RBM28: variants seen among roughly 807,000 people sequenced by gnomAD.
RBM28 encodes the protein RNA-binding protein 28.
A neutral mutation model predicts 98.3 loss-of-function variants in RBM28; 78 were observed. The ratio of observed to expected loss-of-function variants is 0.79; its 90% confidence interval spans 0.66 to 0.96. The LOEUF is 0.96. Among genes scored for constraint, RBM28 ranks in the 40% least tolerant of loss-of-function variants. RBM28 has a pLI of 0.00. For missense variants in RBM28, 838 were observed against 913.0 expected, an observed-to-expected ratio of 0.92 and a Z score of 1.06; for synonymous variants, 306 against 330.9, an observed-to-expected ratio of 0.92 and a Z score of 0.82.
chr7:128,330,727 C>T lies in RBM28; in HGVS notation c.1129+92G>A, dbSNP rs756607895. ...TGGGCTGGATGGACTGTGAACCCCT[C>T]AAAATGGCACACATTATGCTCTCGT... On this transcript the variant is annotated intron_variant, in intron 10 of 18. Coordinates refer to ENST00000223073, the MANE Select transcript of RBM28 (RefSeq NM_018077.3). The T allele has an allele frequency of 7.9e-5, 75 of 954,066 alleles. No individual in the cohort carries two copies. The Middle Eastern group carries it at 2.3e-3, about 29-fold the overall frequency. 59.1% of individuals were successfully genotyped at this position (954,066 alleles called of 1,614,324 possible).
At chr7:128,330,793 G>A (rs771103133) in intron 10 of RBM28, 26 bp downstream of exon 10, 9 of 1,551,506 alleles carry the variant, frequency 5.8e-6, no homozygotes, top group Non-Finnish European at 8.0e-6. Context: ...AACCCTTTTA[G>A]GGCCTGGCCA....
Position 128,342,696 on chromosome 7 carries a change from A to G in RBM28, c.118+980T>C, listed in dbSNP as rs1267793487. 3.9e-5 allele frequency among the ~76,000 whole-genome samples: 6 copies of G among 152,080 alleles called. No individual in the cohort carries two copies. The East Asian group carries it at 9.7e-4, about 24-fold the overall frequency. On this transcript the variant is annotated intron_variant, in intron 1 of 18. Coordinates refer to ENST00000223073, the MANE Select transcript of RBM28 (RefSeq NM_018077.3). Reference sequence around the variant, plus strand: ...ACGCAGTCTTTAAAAAAAAAAAAAAATCTTACATGATCTGCTACTCTAGAT... The same window carrying G: ...ACGCAGTCTTTAAAAAAAAAAAAAAGTCTTACATGATCTGCTACTCTAGAT...
chr7:128,342,057 G>C (rs1452002344), intron 1 of RBM28, among the ~76,000 whole-genome samples: 2 of 152,152 alleles, frequency 1.3e-5, no homozygotes, highest in African/African-American at 4.8e-5. Context: ...TACTTGGGAG[G>C]CTGAAGTAGG....
At chr7:128,323,649 A>T in intron 12 of RBM28, 58 bp from the exon 13 acceptor site, 1 of 1,584,884 alleles carries the variant, frequency 6.3e-7, no homozygotes, top group Non-Finnish European at 8.7e-7. Context: ...CTGAGCAACA[A>T]GAGGAATGTG....
intron 10 of RBM28, 121 bp downstream of exon 10, chr7:128,330,698 A>T: frequency 1.3e-6 from 1 of 789,986 alleles, no homozygotes. Flanking sequence ...AGAACCCAGA[A>T]ACCTGGGCTG....
At chr7:128,334,032 T>C (rs1244893873) in intron 8 of RBM28, among the ~76,000 whole-genome samples, 1 of 152,198 alleles carries the variant, frequency 6.6e-6, no homozygotes, top group Non-Finnish European at 1.5e-5. Context: ...TGAATGTGTA[T>C]ATGTGTGTGT....
intron 8 of RBM28, among the ~76,000 whole-genome samples, chr7:128,334,261 G>A (rs1409930546): frequency 2.0e-5 from 3 of 152,192 alleles, no homozygotes; most frequent in Non-Finnish European, 4.4e-5. Flanking sequence ...TCAGGGAATT[G>A]TTAGGATTGG....
chr7:128,330,043 T>C (rs952998439), intron 10 of RBM28, among the ~76,000 whole-genome samples: 3 of 151,072 alleles, frequency 2.0e-5, no homozygotes, highest in South Asian at 2.1e-4. Context: ...TCAAAAGAAA[T>C]AGCTTTTGGA....
intron 11 of RBM28, 107 bp downstream of exon 11, chr7:128,325,711 A>T: frequency 1.3e-6 from 1 of 799,478 alleles, no homozygotes. Context: ...TAGTTTTATT[A>T]TTACTGACAA....
chr7:128,317,756 C>T, intron 15 of RBM28, 23 bp from the exon 16 acceptor site: 1 of 1,550,092 alleles, frequency 6.5e-7, no homozygotes, highest in Non-Finnish European at 8.9e-7. Context: ...GACAGAATGC[C>T]ATTCATTAGA....
chr7:128,314,684 CA>C, intron 17 of RBM28, 79 bp downstream of exon 17: 3 of 1,600,806 alleles, frequency 1.9e-6, no homozygotes, highest in Non-Finnish European at 2.6e-6. Context: ...ACAAATGCCA[CA>C]AAGAGAAAAT....
intron 13 of RBM28, 71 bp from the exon 14 acceptor site, chr7:128,321,495 G>A (rs1357315552): frequency 4.4e-6 from 7 of 1,574,122 alleles, no homozygotes; most frequent in Non-Finnish European, 8.7e-7. Flanking sequence ...TTCTCCAAAA[G>A]GAAAGAATTA....
At chr7:128,342,508 C>G (rs1271235500) in intron 1 of RBM28, among the ~76,000 whole-genome samples, 1 of 152,008 alleles carries the variant, frequency 6.6e-6, no homozygotes, top group Admixed American at 6.6e-5. Context: ...ATAGCGAAAC[C>G]CCGTCTCTAC....
rs1253348650 is a variant in RBM28 at position 128,343,387 on chromosome 7, C to T, written c.118+289G>A. Among the ~76,000 whole-genome samples the T allele has an allele frequency of 7.9e-5, 12 of 152,166 alleles. 1 individual carries two copies. The highest frequency in any genetic ancestry group is 7.9e-4 in the Admixed American group (12 of 15,286). On this transcript the variant is annotated intron_variant, in intron 1 of 18. Coordinates refer to ENST00000223073, the MANE Select transcript of RBM28 (RefSeq NM_018077.3). Reference sequence around the variant, plus strand: ...AACCTGTATCAAACTGATCACTGTACCTGCCAATCAGGTGACTCTCAATAA... The same window carrying T: ...AACCTGTATCAAACTGATCACTGTATCTGCCAATCAGGTGACTCTCAATAA...
In RBM28 at chr7:128,298,589, T is replaced by C. The variant is rs1333093771; in HGVS notation, c.*12208A>G. 4 of 150,860 alleles carry C rather than the reference T, an allele frequency of 2.7e-5. No individual in the cohort carries two copies. Among genetic ancestry groups the C allele is most frequent in the African/African-American group, 9.9e-5 (4 of 40,236 alleles). 9.3% of individuals were successfully genotyped at this position (150,860 alleles called of 1,614,324 possible). ...TTTATTTTCAAATGCCCCCCATTGC[T>C]CTTCTTTAAATATACAGAATATATT... is the stretch of plus-strand genomic sequence containing the variant. On this transcript the variant is annotated 3_prime_UTR_variant, in exon 19 of 19. Coordinates refer to ENST00000223073, the MANE Select transcript of RBM28 (RefSeq NM_018077.3).
chr7:128,330,880 T>C lies in RBM28; in HGVS notation c.1068A>G (p.Gln356=), dbSNP rs761411486. 63 of 1,614,070 alleles carry C rather than the reference T, an allele frequency of 3.9e-5. No homozygotes were observed. The highest frequency in any genetic ancestry group is 5.0e-5 in the Non-Finnish European group (59 of 1,180,020). The part of the protein sequence containing the change: ...SEEEELGELL[Q]QFGELKYVRI... ...GGACATATTTGAGTTCTCCAAACTG[T>C]TGGAGAAGCTCCCCAAGTTCTTCTT... Residue 356 remains glutamine (Q), a synonymous_variant, in exon 10 of 19, where the codon CAA becomes CAG. Coordinates refer to ENST00000223073, the MANE Select transcript of RBM28 (RefSeq NM_018077.3).
At chr7:128,315,151 G>A in intron 16 of RBM28, 131 bp from the exon 17 acceptor site, 1 of 1,353,126 alleles carries the variant, frequency 7.4e-7, no homozygotes, top group Non-Finnish European at 1.0e-6. Flanking sequence ...TTGGAGACTA[G>A]AGGAAAGTGA....
intron 12 of RBM28, 126 bp downstream of exon 12, chr7:128,324,433 T>A: frequency 7.4e-7 from 1 of 1,349,840 alleles, no homozygotes; most frequent in Admixed American, 1.7e-5. Context: ...AATGATCATA[T>A]AACACTGTTA....
At chr7:128,315,777 G>A (rs1434857448) in intron 16 of RBM28, among the ~76,000 whole-genome samples, 3 of 152,160 alleles carry the variant, frequency 2.0e-5, no homozygotes, top group Admixed American at 1.3e-4. Context: ...TGAAGGAAAA[G>A]ACTTACTCAG....
Sources: gnomAD v4.1 joint callset for allele counts (sites outside exome capture counted in the v4.1 genomes callset) on GRCh38, gnomAD v4.1.1 for gene constraint, MANE v1.5 for transcripts, NCBI Gene and HGNC (gene_info 2026-07-23, HGNC 2026-07-21) for gene names.